Variants in FNBP4 observed in about 807,000 individuals in gnomAD.
The protein encoded by FNBP4 is formin binding protein 4.
A neutral mutation model predicts 119.3 loss-of-function variants in FNBP4; 34 were observed. The ratio of observed to expected loss-of-function variants is 0.28; its 90% CI spans 0.22 to 0.38. The LOEUF is 0.38. Among genes scored for constraint, FNBP4 ranks in the 10% least tolerant of loss-of-function variants. FNBP4 has a pLI of 1.00. For missense variants in FNBP4, 1,112 were observed against 1,228.9 expected (o/e 0.90, Z 1.42); for synonymous variants, 462 against 430.6 (o/e 1.07, Z -0.90).
At chr11:47,720,175 G>C (rs2097553951) in intron 15 of FNBP4, 89 bp from the exon 16 acceptor site, 3 of 1,258,990 alleles carry the variant, frequency 2.4e-6, no homozygotes, top group African/African-American at 3.0e-5. Context: ...CCTTTTCCCA[G>C]TTCTAAAGAA....
chr11:47,746,536 AT>A (rs1359519719), intron 6 of FNBP4, 142 bp from the exon 7 acceptor site: 6 of 717,260 alleles, frequency 8.4e-6, no homozygotes, highest in African/African-American at 1.8e-5. Context: ...TTTTTTTGAG[AT>A]GGAGTCTCGC....
At chr11:47,731,314 T>C in intron 12 of FNBP4, 60 bp downstream of exon 12, 1 of 1,463,402 alleles carries the variant, frequency 6.8e-7, no homozygotes, top group Non-Finnish European at 9.2e-7. Context: ...TAATGTAAAT[T>C]AATAAGATTT....
chr11:47,739,019 C>T (rs553724573), intron 8 of FNBP4, among the ~76,000 whole-genome samples: 1 of 150,784 alleles, frequency 6.6e-6, no homozygotes, highest in South Asian at 2.1e-4. Context: ...TTTTTTGAGG[C>T]ACGGTCTTAC....
At position 47,767,220 on chromosome 11, in the gene FNBP4, C is replaced by T. The variant is rs932870390; in HGVS notation, c.69G>A (p.Arg23=). 3 of 1,569,564 alleles carry T rather than the reference C, an allele frequency of 1.9e-6. No homozygotes were observed. Among genetic ancestry groups the T allele is most frequent in the East Asian group, 2.4e-5 (1 of 42,532 alleles). Residue 23 remains arginine (R), a synonymous_variant, in exon 1 of 17, where the codon CGG becomes CGA. Transcript: ENST00000263773. The stretch of plus-strand genomic sequence containing the variant: ...CCGGGTCCCGGCCCGGCGTGCTGCC[C>T]CGAGGACCCGGCGGAGAGAGTTGCA... The part of the protein sequence containing the change: ...PILQLSPPGP[R]GSTPGRDPEP...
chr11:47,717,606 C>A (rs1032255064), intron 16 of FNBP4, 94 bp from the exon 17 acceptor site: 3 of 902,868 alleles, frequency 3.3e-6, no homozygotes, highest in African/African-American at 3.3e-5. Flanking sequence ...AAATTAAAAA[C>A]CTGATCTATC....
In FNBP4 at chr11:47,724,697, T is replaced by C. The variant is rs777788770; in HGVS notation, c.2090A>G (p.Gln697Arg). The change falls in exon 13 of 17, where the codon CAG becomes CGG. Residue 697 changes from glutamine (Q) to arginine (R), a missense_variant. Physicochemically the swap from Gln to Arg is conservative, Grantham distance 43. This residue lies in a region of FNBP4 where 826 missense variants were observed against 988.8 expected (regional missense o/e 0.84). Transcript: ENST00000263773. ...MPLTPFWTLL[Q>R]SNVPVLQPPL... is the part of the protein sequence containing the mutation. Reference sequence around the variant, plus strand: ...AGGTTGAAGCACAGGAACATTTGACTGAAGGAGGGTCCAGAATGGAGTAAG... The same window carrying C: ...AGGTTGAAGCACAGGAACATTTGACCGAAGGAGGGTCCAGAATGGAGTAAG... The C allele has an allele frequency of 4.3e-6, 7 of 1,613,646 alleles. No individual in the cohort carries two copies. The South Asian group carries it at 7.7e-5, about 18-fold the overall frequency.
chr11:47,738,646 G>A (rs2097577435), intron 8 of FNBP4, among the ~76,000 whole-genome samples: 1 of 151,814 alleles, frequency 6.6e-6, no homozygotes, highest in Admixed American at 6.6e-5. Context: ...TCATCTTCAG[G>A]ATTAAAAGTA....
intron 8 of FNBP4, among the ~76,000 whole-genome samples, chr11:47,740,511 A>G (rs1337477317): frequency 6.6e-6 from 1 of 151,600 alleles, no homozygotes; most frequent in Non-Finnish European, 1.5e-5. Flanking sequence ...GCCACACCAG[A>G]TATGACCTCT....
intron 12 of FNBP4, chr11:47,725,157 A>C (rs2097559669): frequency 6.2e-6 from 1 of 161,040 alleles, no homozygotes. Context: ...CTGAATCTGT[A>C]GTTTGAAGTT....
chr11:47,721,181 C>T (rs553491846), intron 15 of FNBP4, among the ~76,000 whole-genome samples: 5 of 149,288 alleles, frequency 3.3e-5, no homozygotes, highest in Non-Finnish European at 5.9e-5. Context: ...ATAAGCCTGG[C>T]GTGGTGGTGG....
intron 8 of FNBP4, among the ~76,000 whole-genome samples, chr11:47,740,887 G>A (rs187849731): frequency 6.7e-6 from 1 of 148,704 alleles, no homozygotes; most frequent in Non-Finnish European, 1.5e-5. Context: ...ACTGCACCCA[G>A]CCACATTTTT....
At chr11:47,730,019 G>A in intron 12 of FNBP4, 1 of 985,408 alleles carries the variant, frequency 1.0e-6, no homozygotes, top group Non-Finnish European at 1.2e-6. Flanking sequence ...TATCAACTAT[G>A]TGTGTCATAA....
At chr11:47,753,653 G>A (rs2097609234) in intron 3 of FNBP4, among the ~76,000 whole-genome samples, 4 of 152,100 alleles carry the variant, frequency 2.6e-5, no homozygotes, top group South Asian at 2.1e-4. Context: ...AATTATTATC[G>A]GGCGTGGTGG....
At chr11:47,734,190 C>T (rs1358287791) in intron 9 of FNBP4, 61 bp from the exon 10 acceptor site, 5 of 919,112 alleles carry the variant, frequency 5.4e-6, no homozygotes, top group Non-Finnish European at 8.2e-6. Context: ...GTATTATGTA[C>T]AATCCTTCAT....
Position 47,746,204 on chromosome 11 carries a change from G to C in FNBP4, c.1097C>G (p.Thr366Arg), listed in dbSNP as rs1324556094. ...AATTTCCTGTGGCTTTACTATTGTT[G>C]TTGCTTCTTCTACTGTTGTACTTGT... ...KETSTTVEEA[T>R]TIVKPQEIML... Residue 366 changes from threonine (T) to arginine (R), a missense_variant, in exon 7 of 17, where the codon ACA (threonine) becomes AGA (arginine). By Grantham distance (71) the Thr-to-Arg change is moderately conservative. Around this residue, in one of 2 missense-constraint regions of FNBP4, gnomAD observed 826 missense variants for 988.8 expected, o/e 0.84. Transcript: ENST00000263773. 6.2e-7 allele frequency: 1 copy of C among 1,614,120 alleles called. No homozygotes were observed. Among genetic ancestry groups the C allele is most frequent in the Admixed American group, 1.7e-5 (1 of 60,004 alleles).
intron 8 of FNBP4, among the ~76,000 whole-genome samples, chr11:47,739,160 G>T (rs1400188216): frequency 2.0e-5 from 3 of 151,848 alleles, no homozygotes; most frequent in African/African-American, 7.3e-5. Context: ...TCGAACTCCT[G>T]AACTCAAGTA....
chr11:47,722,932 AAAATTTTTAAAAAT>A (rs1279916025), intron 15 of FNBP4, 30 bp downstream of exon 15: 12 of 1,454,316 alleles, frequency 8.3e-6, no homozygotes, highest in Non-Finnish European at 1.1e-5. Context: ...TAACCTCAAT[AAAATTTTTAAAAAT>A]AAATTTTTAA....
At position 47,751,945 on chromosome 11, in the gene FNBP4, C is replaced by T. The variant is rs572997616; in HGVS notation, c.638-655G>A. Among the ~76,000 whole-genome samples, 5 of 151,328 alleles carry T rather than the reference C, an allele frequency of 3.3e-5. No homozygotes were observed. In the East Asian group the frequency reaches 1.0e-3, roughly 30 times the overall value. On this transcript the variant is annotated intron_variant, in intron 4 of 16. Transcript: ENST00000263773. Reference sequence around the variant, plus strand: ...CCTGGGCAACATGAGCAAAACTCCACCTCTAAATTAGTAAATAGAAAAAAG... The same window carrying T: ...CCTGGGCAACATGAGCAAAACTCCATCTCTAAATTAGTAAATAGAAAAAAG...
At chr11:47,753,759 A>G (rs73451068) in intron 3 of FNBP4, among the ~76,000 whole-genome samples, 1 of 152,192 alleles carries the variant, frequency 6.6e-6, no homozygotes, top group African/African-American at 2.4e-5. Flanking sequence ...TCACGCCACC[A>G]CATTTCAGCC....
Sources: gnomAD v4.1 joint callset for allele counts (sites outside exome capture counted in the v4.1 genomes callset) on GRCh38, gnomAD v4.1.1 for gene constraint, gnomAD v4.1.1 regional missense constraint, MANE v1.5 for transcripts, NCBI Gene and HGNC (gene_info 2026-07-23, HGNC 2026-07-21) for gene names.